PLXNA4: variants seen among roughly 807,000 people sequenced by gnomAD.
The protein encoded by PLXNA4 is plexin A4, also known as plexin-A4.
PLXNA4 carries 44 observed loss-of-function variants against 191.8 expected under a neutral mutation model. That is an observed-to-expected ratio of 0.23 (90% CI 0.18 to 0.29). PLXNA4 has a LOEUF of 0.29. PLXNA4 is among the 10% of genes least tolerant of loss of function. The probability of loss-of-function intolerance (pLI) is 1.00; values close to 1 mark genes in which losing one functional copy is unlikely to be tolerated. For missense variants in PLXNA4, 1,800 were observed against 2,488.8 expected, an observed-to-expected ratio of 0.72 and a Z score of 5.89; for synonymous variants, 1,082 against 1,009.5, an observed-to-expected ratio of 1.07 and a Z score of -1.36.
At chr7:132,442,028 G>T (rs1218571175) in intron 3 of PLXNA4, among the ~76,000 whole-genome samples, 5 of 152,162 alleles carry the variant, frequency 3.3e-5, no homozygotes, top group Non-Finnish European at 2.9e-5. Flanking sequence ...CAGAGTCAGG[G>T]GCAAGACAAG....
chr7:132,205,707 A>T (rs1243036214), intron 10 of PLXNA4, among the ~76,000 whole-genome samples: 1 of 152,126 alleles, frequency 6.6e-6, no homozygotes, highest in Non-Finnish European at 1.5e-5. Context: ...GCACCATCTG[A>T]TCACCTAGAG....
At chr7:132,356,712 T>C (rs2116831793) in intron 3 of PLXNA4, among the ~76,000 whole-genome samples, 1 of 152,338 alleles carries the variant, frequency 6.6e-6, no homozygotes, top group East Asian at 1.9e-4. Flanking sequence ...TGGTTCCCTC[T>C]ATTAAGCAAG....
At chr7:132,201,160 C>T (rs1797419956) in intron 12 of PLXNA4, among the ~76,000 whole-genome samples, 1 of 152,086 alleles carries the variant, frequency 6.6e-6, no homozygotes, top group Non-Finnish European at 1.5e-5. Context: ...AGAAGATGGC[C>T]ATCTCCGAGT....
At chr7:132,444,904 C>T (rs1018531187) in intron 3 of PLXNA4, among the ~76,000 whole-genome samples, 2 of 151,224 alleles carry the variant, frequency 1.3e-5, no homozygotes, top group Non-Finnish European at 2.9e-5. Context: ...TGGCTCACTC[C>T]TGTAATCCCA....
chr7:132,405,714 C>T (rs1175332594), intron 3 of PLXNA4, among the ~76,000 whole-genome samples: 2 of 152,180 alleles, frequency 1.3e-5, no homozygotes, highest in Admixed American at 1.3e-4. Flanking sequence ...ACCCATGTGG[C>T]ACAAAACATA....
intron 2 of PLXNA4, among the ~76,000 whole-genome samples, chr7:132,601,933 A>AGCT (rs541606111): frequency 9.2e-5 from 14 of 152,362 alleles, no homozygotes; most frequent in African/African-American, 3.4e-4. Context: ...GCAATGTGGG[A>AGCT]GCTGAGACTA....
At chr7:132,436,832 G>T (rs1039048475) in intron 3 of PLXNA4, among the ~76,000 whole-genome samples, 2 of 148,596 alleles carry the variant, frequency 1.3e-5, no homozygotes, top group Non-Finnish European at 2.9e-5. Context: ...CCTCAAGCTG[G>T]GATGCGGTCC....
intron 14 of PLXNA4, among the ~76,000 whole-genome samples, chr7:132,191,978 A>G (rs1039695324): frequency 1.3e-5 from 2 of 152,120 alleles, no homozygotes; most frequent in Non-Finnish European, 2.9e-5. Context: ...ATCCTAAACA[A>G]ATAAGGAAAA....
At chr7:132,563,381 C>G (rs1338428370) in intron 1 of PLXNA4, among the ~76,000 whole-genome samples, 7 of 103,686 alleles carry the variant, frequency 6.8e-5, no homozygotes, top group African/African-American at 2.8e-4. Context: ...CCTCCTTCTC[C>G]TCCTCCTCCT....
At chr7:132,545,717 GA>G (rs2116533664) in intron 1 of PLXNA4, among the ~76,000 whole-genome samples, 1 of 152,314 alleles carries the variant, frequency 6.6e-6, no homozygotes, top group African/African-American at 2.4e-5. Flanking sequence ...AAAAAATGAG[GA>G]TTAAGAAAAT....
chr7:132,334,226 ATTTCT>A (rs1482037343), intron 3 of PLXNA4, among the ~76,000 whole-genome samples: 2 of 112,884 alleles, frequency 1.8e-5, no homozygotes, highest in East Asian at 2.5e-4. Context: ...AAGATTTCAG[ATTTCT>A]TTTCTTTTCT....
chr7:132,475,264 G>A (rs999293499), intron 3 of PLXNA4, among the ~76,000 whole-genome samples: 2 of 152,108 alleles, frequency 1.3e-5, no homozygotes, highest in Non-Finnish European at 1.5e-5. Flanking sequence ...TGACAGAATG[G>A]TTGCCGTGAC....
At chr7:132,585,599 A>G (rs78606938) in intron 2 of PLXNA4, among the ~76,000 whole-genome samples, 5,513 of 152,286 alleles carry the variant, frequency 0.036, 319 homozygotes, top group African/African-American at 0.12. Context: ...GGCTGCTGTT[A>G]TGAAATGCCA....
chr7:132,517,960 C>T (rs574560798), intron 1 of PLXNA4, among the ~76,000 whole-genome samples: 16 of 152,166 alleles, frequency 1.1e-4, no homozygotes, highest in African/African-American at 3.6e-4. Flanking sequence ...TTCAACATAG[C>T]GTCTTCAGTA....
intron 31 of PLXNA4, 121 bp from the exon 32 acceptor site, chr7:132,130,695 G>C: frequency 6.9e-7 from 1 of 1,445,854 alleles, no homozygotes; most frequent in Non-Finnish European, 9.5e-7. Context: ...ATGTGCAGGG[G>C]CACACAGGAC....
chr7:132,214,065 G>A (rs559289936), intron 9 of PLXNA4, among the ~76,000 whole-genome samples: 6 of 152,324 alleles, frequency 3.9e-5, no homozygotes, highest in African/African-American at 1.4e-4. Flanking sequence ...GATGCCAACT[G>A]CCTGAGTCAC....
intron 2 of PLXNA4, among the ~76,000 whole-genome samples, chr7:132,614,809 C>T (rs1460921608): frequency 6.6e-6 from 1 of 152,296 alleles, no homozygotes; most frequent in Non-Finnish European, 1.5e-5. Flanking sequence ...CACCTCCCAC[C>T]GCGGAACTGA....
At chr7:132,317,405 G>A (rs191830169) in intron 3 of PLXNA4, among the ~76,000 whole-genome samples, 85 of 152,018 alleles carry the variant, frequency 5.6e-4, no homozygotes, top group Middle Eastern at 3.4e-3. Flanking sequence ...GGGTTGGGTT[G>A]GGTTGAATTT....
At chr7:132,519,190 T>A (rs537037131) in intron 1 of PLXNA4, among the ~76,000 whole-genome samples, 1 of 152,200 alleles carries the variant, frequency 6.6e-6, no homozygotes, top group Non-Finnish European at 1.5e-5. Flanking sequence ...GAATTTGGAG[T>A]CAGATGCCCC....
Sources: allele counts gnomAD v4.1 joint callset (sites outside exome capture counted in the v4.1 genomes callset), GRCh38; gene constraint gnomAD v4.1.1; transcripts MANE v1.5; gene names NCBI Gene and HGNC (gene_info 2026-07-23, HGNC 2026-07-21).